Variants in RBFOX1 observed in about 807,000 individuals in gnomAD.
The protein encoded by RBFOX1 is RNA binding protein fox-1 homolog 1.
In RBFOX1, 8 loss-of-function variants were observed where a neutral mutation model predicts 57.7. The ratio of observed to expected loss-of-function variants is 0.14; its 90% CI spans 0.08 to 0.25. RBFOX1 has a LOEUF of 0.25. RBFOX1 is among the 10% of genes least tolerant of loss of function. The pLI is 1.00. For synonymous variants in RBFOX1, 326 were observed against 222.4 expected (o/e 1.47, Z -4.15); for missense variants, 611 against 548.5 (o/e 1.11, Z -1.14).
chr16:5,622,771 G>A (rs2048236816), intron 3 of RBFOX1, among the ~76,000 whole-genome samples: 1 of 152,180 alleles, frequency 6.6e-6, no homozygotes, highest in African/African-American at 2.4e-5. Flanking sequence ...GTTTACTGTT[G>A]GCCCTCCATA....
chr16:7,229,759 AG>A (rs2093377532), intron 4 of RBFOX1, among the ~76,000 whole-genome samples: 4 of 81,356 alleles, frequency 4.9e-5, no homozygotes, highest in African/African-American at 1.8e-4. Context: ...AGGGAGAGAG[AG>A]GGAGGAAGGG....
intron 4 of RBFOX1, among the ~76,000 whole-genome samples, chr16:5,976,073 G>A (rs1315126638): frequency 6.6e-6 from 1 of 152,086 alleles, no homozygotes; most frequent in Non-Finnish European, 1.5e-5. Flanking sequence ...GAACCTGGGA[G>A]GCGGAGGTTG....
intron 3 of RBFOX1, among the ~76,000 whole-genome samples, chr16:5,860,395 A>G (rs539628062): frequency 1.3e-5 from 2 of 152,130 alleles, no homozygotes; most frequent in South Asian, 2.1e-4. Flanking sequence ...CTTTTTGACA[A>G]TAGGACTATA....
chr16:7,114,674 G>T (rs184942654), intron 4 of RBFOX1, among the ~76,000 whole-genome samples: 1 of 152,248 alleles, frequency 6.6e-6, no homozygotes, highest in East Asian at 1.9e-4. Context: ...TTCTTCCCCT[G>T]CCTCTCTGGA....
intron 3 of RBFOX1, among the ~76,000 whole-genome samples, chr16:6,846,095 A>C (rs1474790519): frequency 6.6e-6 from 1 of 152,224 alleles, no homozygotes; most frequent in African/African-American, 2.4e-5. Flanking sequence ...TGTACCACTA[A>C]AATATAGGTA....
At chr16:6,960,596 A>G (rs2082756553) in intron 3 of RBFOX1, among the ~76,000 whole-genome samples, 1 of 152,052 alleles carries the variant, frequency 6.6e-6, no homozygotes, top group African/African-American at 2.4e-5. Context: ...CAAACTCTGC[A>G]GAGGAGGCCC....
chr16:6,797,152 G>A (rs1439364611), intron 3 of RBFOX1, among the ~76,000 whole-genome samples: 1 of 152,162 alleles, frequency 6.6e-6, no homozygotes, highest in Non-Finnish European at 1.5e-5. Context: ...CAGATAGGCA[G>A]CAGCAGCAGC....
chr16:5,736,431 G>A (rs899976802), intron 3 of RBFOX1, among the ~76,000 whole-genome samples: 2 of 151,866 alleles, frequency 1.3e-5, no homozygotes, highest in Non-Finnish European at 2.9e-5. Flanking sequence ...AGCCACCCAC[G>A]GCCATATGGG....
chr16:5,720,603 A>C (rs1404445933), intron 3 of RBFOX1, among the ~76,000 whole-genome samples: 3 of 152,076 alleles, frequency 2.0e-5, no homozygotes, highest in African/African-American at 7.2e-5. Context: ...TTTCGAGTTC[A>C]TTTTTATCTA....
chr16:6,431,896 G>GCTTCCTTTCTTTCTTTCTTT, intron 2 of RBFOX1, among the ~76,000 whole-genome samples: 2 of 128,196 alleles, frequency 1.6e-5, no homozygotes, highest in Middle Eastern at 3.8e-3. Flanking sequence ...TTGCTTGCTT[G>GCTTCCTTTCTTTCTTTCTTT]CTTTCTTTCT....
chr16:7,185,060 G>C (rs2083448911), intron 4 of RBFOX1, among the ~76,000 whole-genome samples: 1 of 152,158 alleles, frequency 6.6e-6, no homozygotes, highest in South Asian at 2.1e-4. Flanking sequence ...AAATTGTGCA[G>C]TAAGTACATG....
At chr16:5,325,628 T>C (rs1358996873) in intron 1 of RBFOX1, among the ~76,000 whole-genome samples, 2 of 152,124 alleles carry the variant, frequency 1.3e-5, no homozygotes, top group African/African-American at 4.8e-5. Flanking sequence ...ACTCATCTGT[T>C]CTTTGTCCCT....
At chr16:7,007,327 C>G (rs184472339) in intron 3 of RBFOX1, among the ~76,000 whole-genome samples, 21 of 152,178 alleles carry the variant, frequency 1.4e-4, no homozygotes, top group Admixed American at 1.3e-3. Context: ...TCCTTGAAAT[C>G]TCATTGACTT....
chr16:5,487,211 T>C (rs1264927662), intron 2 of RBFOX1, among the ~76,000 whole-genome samples: 1 of 152,246 alleles, frequency 6.6e-6, no homozygotes, highest in Non-Finnish European at 1.5e-5. Flanking sequence ...TACATAATTA[T>C]CTGGCTATTG....
At chr16:6,936,216 T>C (rs999525352) in intron 3 of RBFOX1, among the ~76,000 whole-genome samples, 16 of 152,200 alleles carry the variant, frequency 1.1e-4, no homozygotes, top group African/African-American at 3.9e-4. Context: ...TTCTTTTGAA[T>C]ATTAAATTAG....
At chr16:6,789,823 G>A (rs961799975) in intron 3 of RBFOX1, among the ~76,000 whole-genome samples, 6 of 151,774 alleles carry the variant, frequency 4.0e-5, no homozygotes, top group African/African-American at 7.3e-5. Context: ...TTCTGTCTTT[G>A]TGCTTTCTCC....
intron 3 of RBFOX1, among the ~76,000 whole-genome samples, chr16:5,613,263 T>C (rs1437716147): frequency 1.3e-5 from 2 of 152,150 alleles, no homozygotes; most frequent in Admixed American, 1.3e-4. Flanking sequence ...CCTTCAAGGC[T>C]CAGAACACAC....
rs539989071 is a variant in RBFOX1 at position 6,995,627 on chromosome 16, G to A, written c.-15-56430G>A. 8.0e-4 allele frequency among the ~76,000 whole-genome samples: 122 copies of A among 152,188 alleles called. 1 individual carries two copies. Among genetic ancestry groups the A allele is most frequent in the African/African-American group, 2.8e-3 (116 of 41,542 alleles). Reference sequence around the variant, plus strand: ...ATACAAAAATTAGCTGGACGTGGTGGTGCACGCTTGTAATCCCAGCTACTC... The same window carrying A: ...ATACAAAAATTAGCTGGACGTGGTGATGCACGCTTGTAATCCCAGCTACTC... On this transcript the variant is annotated intron_variant, in intron 3 of 15. Transcript: ENST00000550418.
intron 4 of RBFOX1, among the ~76,000 whole-genome samples, chr16:7,273,871 T>C (rs2095389146): frequency 6.6e-6 from 1 of 152,272 alleles, no homozygotes; most frequent in Non-Finnish European, 1.5e-5. Context: ...TTTCATTATC[T>C]GCCATACGTA....
Sources: allele counts gnomAD v4.1 joint callset (sites outside exome capture counted in the v4.1 genomes callset), GRCh38; gene constraint gnomAD v4.1.1; transcripts MANE v1.5; gene names NCBI Gene and HGNC (gene_info 2026-07-23, HGNC 2026-07-21).